The following TACR1 variants were observed in gnomAD, a reference collection of about 807,000 sequenced individuals.
TACR1 encodes the protein substance-P receptor.
Under a neutral mutation model 35.8 loss-of-function variants are expected in TACR1, and 25 were observed. That is an observed-to-expected ratio of 0.70 (90% CI 0.51 to 0.98). The LOEUF (loss-of-function observed/expected upper bound fraction) is 0.98, where lower values mean the gene tolerates loss of function less well. Among genes scored for constraint, TACR1 ranks in the 50% least tolerant of loss-of-function variants. The pLI is 0.00. For missense variants in TACR1, 478 were observed against 522.9 expected (o/e 0.91, Z 0.84); for synonymous variants, 195 against 206.7 (o/e 0.94, Z 0.48).
intron 2 of TACR1, among the ~76,000 whole-genome samples, chr2:75,066,651 C>T (rs1672767404): frequency 6.6e-6 from 1 of 152,162 alleles, no homozygotes; most frequent in Admixed American, 6.5e-5. Flanking sequence ...GAGAGACTCT[C>T]GGTTAACTGA....
At chr2:75,094,295 A>G (rs1380520707) in intron 2 of TACR1, among the ~76,000 whole-genome samples, 1 of 152,198 alleles carries the variant, frequency 6.6e-6, no homozygotes, top group East Asian at 1.9e-4. Context: ...AATTAAAATA[A>G]AGAGAAGTAA....
intron 2 of TACR1, among the ~76,000 whole-genome samples, chr2:75,112,906 C>T (rs767002416): frequency 2.5e-4 from 38 of 151,928 alleles, no homozygotes; most frequent in Non-Finnish European, 1.2e-4. Flanking sequence ...TTTTGGTGAA[C>T]GTTTTAATTG....
At chr2:75,057,608 A>G (rs1672594116) in intron 2 of TACR1, among the ~76,000 whole-genome samples, 2 of 152,260 alleles carry the variant, frequency 1.3e-5, no homozygotes, top group East Asian at 1.9e-4. Context: ...TTGCATTTAT[A>G]TGATCTATAT....
At chr2:75,083,206 T>C (rs1356393256) in intron 2 of TACR1, among the ~76,000 whole-genome samples, 4 of 152,242 alleles carry the variant, frequency 2.6e-5, no homozygotes, top group African/African-American at 9.6e-5. Flanking sequence ...TTCTTGTTTT[T>C]GTCAGGTTTG....
At chr2:75,063,831 G>C (rs1431722009) in intron 2 of TACR1, among the ~76,000 whole-genome samples, 1 of 152,146 alleles carries the variant, frequency 6.6e-6, no homozygotes, top group African/African-American at 2.4e-5. Context: ...CTTAATAGTG[G>C]CTACACCATT....
At chr2:75,187,989 C>A (rs1306835663) in intron 1 of TACR1, 1 of 152,180 alleles carries the variant, frequency 6.6e-6, no homozygotes, top group Non-Finnish European at 1.5e-5. Context: ...ACTTCAGGAA[C>A]AAATTTTAAA....
chr2:75,053,573 G>A, intron 3 of TACR1, 32 bp downstream of exon 3: 1 of 1,490,936 alleles, frequency 6.7e-7, no homozygotes, highest in South Asian at 1.4e-5. Context: ...GTCTGTGCCA[G>A]GGTGGGTTAG....
intron 2 of TACR1, among the ~76,000 whole-genome samples, chr2:75,070,073 T>C (rs28499322): frequency 7.2e-5 from 11 of 152,186 alleles, no homozygotes; most frequent in African/African-American, 2.7e-4. Flanking sequence ...TATTTATTCA[T>C]TCATTCCTTT....
chr2:75,196,380 G>C (rs1476690886), intron 1 of TACR1, among the ~76,000 whole-genome samples: 1 of 152,160 alleles, frequency 6.6e-6, no homozygotes, highest in Non-Finnish European at 1.5e-5. Context: ...GGCAGACATG[G>C]AGACAGAGAC....
chr2:75,196,054 A>T (rs568549203), intron 1 of TACR1, among the ~76,000 whole-genome samples: 8 of 152,344 alleles, frequency 5.3e-5, no homozygotes, highest in Non-Finnish European at 1.0e-4. Context: ...AGTCTTCTGC[A>T]GTGAACAGGT....
At chr2:75,154,254 A>G (rs759046290) in intron 1 of TACR1, 1 of 151,884 alleles carries the variant, frequency 6.6e-6, no homozygotes. Flanking sequence ...AAAATCCCAA[A>G]CAACAAACAG....
At chr2:75,182,797 T>G (rs2104052635) in intron 1 of TACR1, among the ~76,000 whole-genome samples, 1 of 152,356 alleles carries the variant, frequency 6.6e-6, no homozygotes, top group Non-Finnish European at 1.5e-5. Flanking sequence ...TACACATTGT[T>G]CATGATGTTT....
chr2:75,167,593 C>G (rs1469914605), intron 1 of TACR1, among the ~76,000 whole-genome samples: 2 of 152,040 alleles, frequency 1.3e-5, no homozygotes, highest in Non-Finnish European at 2.9e-5. Flanking sequence ...AATTGGTAAA[C>G]TATTTGGAAA....
intron 2 of TACR1, among the ~76,000 whole-genome samples, chr2:75,108,502 T>C (rs542647537): frequency 1.2e-4 from 19 of 152,306 alleles, no homozygotes; most frequent in African/African-American, 4.6e-4. Flanking sequence ...TCTCAGCAGT[T>C]CATTGAACAT....
At chr2:75,196,245 T>C (rs1489485948) in intron 1 of TACR1, among the ~76,000 whole-genome samples, 1 of 152,204 alleles carries the variant, frequency 6.6e-6, no homozygotes, top group Non-Finnish European at 1.5e-5. Flanking sequence ...CCCCTTTCTT[T>C]CCAATACATT....
chr2:75,143,591 G>A (rs1418938071), intron 1 of TACR1, among the ~76,000 whole-genome samples: 2 of 152,186 alleles, frequency 1.3e-5, no homozygotes, highest in Non-Finnish European at 2.9e-5. Context: ...TCACTAAGCT[G>A]CACTGATGAG....
chr2:75,191,151 G>A (rs551092556), intron 1 of TACR1, among the ~76,000 whole-genome samples: 26 of 152,296 alleles, frequency 1.7e-4, no homozygotes, highest in Middle Eastern at 3.4e-3. Context: ...CAAGAGAGAA[G>A]TTTGGTGCAA....
intron 1 of TACR1, among the ~76,000 whole-genome samples, chr2:75,179,963 C>A (rs1195072614): frequency 1.3e-5 from 2 of 152,198 alleles, no homozygotes; most frequent in Admixed American, 6.5e-5. Context: ...ATATGGCCTT[C>A]TTCTCTAGCC....
intron 2 of TACR1, among the ~76,000 whole-genome samples, chr2:75,115,689 G>A (rs535836450): frequency 1.6e-4 from 25 of 152,060 alleles, no homozygotes; most frequent in South Asian, 4.2e-4. Flanking sequence ...GGTGGATCAC[G>A]AGGTCAGGAG....
Sources: gnomAD v4.1 joint callset for allele counts (sites outside exome capture counted in the v4.1 genomes callset) on GRCh38, gnomAD v4.1.1 for gene constraint, MANE v1.5 for transcripts, NCBI Gene and HGNC (gene_info 2026-07-23, HGNC 2026-07-21) for gene names.